SPIRE1: variants seen among roughly 807,000 people sequenced by gnomAD.
SPIRE1 encodes spire type actin nucleation factor 1.
A neutral mutation model predicts 94.1 loss-of-function variants in SPIRE1; 40 were observed. That is an observed-to-expected ratio of 0.43 (90% CI 0.33 to 0.55). The LOEUF (loss-of-function observed/expected upper bound fraction) is 0.55, where lower values mean the gene tolerates loss of function less well. Among genes scored for constraint, SPIRE1 ranks in the 20% least tolerant of loss-of-function variants. The pLI is 0.06. For synonymous variants in SPIRE1, 376 were observed against 371.7 expected (o/e 1.01, Z -0.13); for missense variants, 838 against 975.2 (o/e 0.86, Z 1.87).
intron 2 of SPIRE1, among the ~76,000 whole-genome samples, chr18:12,584,432 G>GA (rs531908294): frequency 7.2e-5 from 10 of 138,970 alleles, no homozygotes; most frequent in East Asian, 2.1e-4. Context: ...TCCATCTCAA[G>GA]AAAAAAAAAA....
At chr18:12,450,040 A>T (rs1041263126) in intron 16 of SPIRE1, 144 bp from the exon 17 acceptor site, 1 of 923,046 alleles carries the variant, frequency 1.1e-6, no homozygotes, top group Non-Finnish European at 1.6e-6. Flanking sequence ...CTTCTAAAAA[A>T]ATTTCTTATT....
intron 2 of SPIRE1, among the ~76,000 whole-genome samples, chr18:12,631,819 C>T (rs1176964684): frequency 1.3e-5 from 2 of 152,028 alleles, no homozygotes; most frequent in African/African-American, 4.8e-5. Flanking sequence ...GAGCCAAGAT[C>T]GCACCTCTGC....
chr18:12,600,753 C>T (rs11876871), intron 2 of SPIRE1, among the ~76,000 whole-genome samples: 3,834 of 151,940 alleles, frequency 0.025, 176 homozygotes, highest in African/African-American at 0.087. Context: ...GGTAGGGTCT[C>T]GCTCTGTCAC....
chr18:12,636,104 G>C (rs2144824569), intron 1 of SPIRE1, among the ~76,000 whole-genome samples: 1 of 152,094 alleles, frequency 6.6e-6, no homozygotes, highest in South Asian at 2.1e-4. Context: ...TGTTGGCCAG[G>C]CTGGTCTCGA....
intron 3 of SPIRE1, among the ~76,000 whole-genome samples, chr18:12,541,425 G>A (rs2035012160): frequency 6.6e-6 from 1 of 152,150 alleles, no homozygotes; most frequent in South Asian, 2.1e-4. Flanking sequence ...CTCTATGGTT[G>A]TACATTTGTC....
intron 2 of SPIRE1, among the ~76,000 whole-genome samples, chr18:12,584,958 A>T (rs1216685092): frequency 6.6e-6 from 1 of 152,036 alleles, no homozygotes; most frequent in Non-Finnish European, 1.5e-5. Context: ...GGCATGTGCC[A>T]CCATGCCTGG....
intron 2 of SPIRE1, among the ~76,000 whole-genome samples, chr18:12,580,884 T>C (rs570567402): frequency 6.6e-6 from 1 of 152,252 alleles, no homozygotes; most frequent in East Asian, 1.9e-4. Context: ...TAGAGCTAGT[T>C]ATTCCTGGTG....
intron 1 of SPIRE1, among the ~76,000 whole-genome samples, chr18:12,635,974 C>T (rs1393878979): frequency 6.6e-6 from 1 of 151,800 alleles, no homozygotes; most frequent in Non-Finnish European, 1.5e-5. Flanking sequence ...CTGCAACCAC[C>T]CACTCCCGGG....
At chr18:12,519,358 A>ACG (rs773113758) in intron 4 of SPIRE1, among the ~76,000 whole-genome samples, 1 of 151,840 alleles carries the variant, frequency 6.6e-6, no homozygotes, top group African/African-American at 2.4e-5. Context: ...ACACGCACGC[A>ACG]CACACACACA....
chr18:12,553,712 A>C (rs1437891196), intron 2 of SPIRE1, among the ~76,000 whole-genome samples: 1 of 149,246 alleles, frequency 6.7e-6, no homozygotes. Context: ...ACCTACATTA[A>C]AACAAACAAA....
intron 2 of SPIRE1, among the ~76,000 whole-genome samples, chr18:12,631,203 T>TA (rs1567979368): frequency 6.6e-6 from 1 of 152,096 alleles, no homozygotes; most frequent in African/African-American, 2.4e-5. Context: ...ACTAAAAAAT[T>TA]AGAGCCCAAA....
chr18:12,568,367 T>G (rs945131842), intron 2 of SPIRE1, among the ~76,000 whole-genome samples: 1 of 152,146 alleles, frequency 6.6e-6, no homozygotes, highest in Non-Finnish European at 1.5e-5. Context: ...TTCCTTTATA[T>G]GCTCTACACT....
intron 7 of SPIRE1, among the ~76,000 whole-genome samples, chr18:12,494,622 A>G (rs1022696924): frequency 1.6e-4 from 25 of 151,640 alleles, no homozygotes; most frequent in Non-Finnish European, 2.5e-4. Flanking sequence ...GAGGTCAGGA[A>G]ATCAAGATCA....
upstream of SPIRE1, among the ~76,000 whole-genome samples, chr18:12,660,314 A>G (rs1175616868): frequency 2.1e-5 from 3 of 143,528 alleles, no homozygotes; most frequent in African/African-American, 8.1e-5. Flanking sequence ...CAATGGAAAA[A>G]GATGCATTTT....
At chr18:12,501,072 C>CAAAAAAAAAAAAAAAAAAAA (rs67894900) in intron 6 of SPIRE1, among the ~76,000 whole-genome samples, 10 of 80,230 alleles carry the variant, frequency 1.2e-4, no homozygotes, top group African/African-American at 2.0e-4. Flanking sequence ...AACTCTGTCT[C>CAAAAAAAAAAAAAAAAAAAA]AAAAAAAAAA....
chr18:12,525,821 T>A (rs907193744), intron 4 of SPIRE1, among the ~76,000 whole-genome samples: 1 of 152,134 alleles, frequency 6.6e-6, no homozygotes, highest in African/African-American at 2.4e-5. Context: ...GCTTTTAGTA[T>A]GTTATAACTC....
intron 12 of SPIRE1, among the ~76,000 whole-genome samples, chr18:12,461,506 GTACGTACATACA>G (rs1163225973): frequency 1.5e-3 from 206 of 140,996 alleles, no homozygotes; most frequent in Non-Finnish European, 2.5e-3. Flanking sequence ...ACGTACATAT[GTACGTACATACA>G]TATGTGTGGT....
intron 4 of SPIRE1, among the ~76,000 whole-genome samples, chr18:12,517,766 A>C (rs886284173): frequency 1.2e-4 from 18 of 152,346 alleles, no homozygotes; most frequent in Non-Finnish European, 2.5e-4. Flanking sequence ...TCAGAGAATA[A>C]TTTTAATCCA....
At chr18:12,615,413 G>A (rs892060376) in intron 2 of SPIRE1, among the ~76,000 whole-genome samples, 4 of 126,756 alleles carry the variant, frequency 3.2e-5, no homozygotes, top group African/African-American at 8.7e-5. Flanking sequence ...GGCGGCGTGC[G>A]CCTGTAGTTC....
Sources: gnomAD v4.1 joint callset for allele counts (sites outside exome capture counted in the v4.1 genomes callset) on GRCh38, gnomAD v4.1.1 for gene constraint, MANE v1.5 for transcripts, NCBI Gene and HGNC (gene_info 2026-07-23, HGNC 2026-07-21) for gene names.